The following ELAVL2 variants were observed in gnomAD, a reference collection of about 807,000 sequenced individuals.
The protein encoded by ELAVL2 is ELAV-like protein 2.
A neutral mutation model predicts 34.6 loss-of-function variants in ELAVL2; 4 were observed. The ratio of observed to expected loss-of-function variants is 0.12; its 90% CI spans 0.06 to 0.26. The LOEUF is 0.26. Ranked by LOEUF, ELAVL2 falls within the 10% of genes least tolerant of loss-of-function variation. ELAVL2 has a pLI of 1.00. For synonymous variants in ELAVL2, 193 were observed against 154.8 expected (o/e 1.25, Z -1.83); for missense variants, 432 against 442.8 (o/e 0.98, Z 0.22).
chr9:23,779,103 G>A (rs1400277793), intron 1 of ELAVL2: 3 of 800,140 alleles, frequency 3.7e-6, no homozygotes, highest in East Asian at 1.3e-4. Flanking sequence ...CACTACACCA[G>A]AAGCCCTTGA....
At chr9:23,730,039 T>C (rs1346520318) in intron 3 of ELAVL2, among the ~76,000 whole-genome samples, 3 of 152,108 alleles carry the variant, frequency 2.0e-5, no homozygotes, top group Non-Finnish European at 4.4e-5. Context: ...TTGATAGAAG[T>C]TGTCTGGAAC....
At chr9:23,702,273 T>G (rs1587343334) in intron 4 of ELAVL2, among the ~76,000 whole-genome samples, 1 of 150,430 alleles carries the variant, frequency 6.6e-6, no homozygotes, top group South Asian at 2.1e-4. Flanking sequence ...AGAAAAGACG[T>G]AGATTTTAAA....
At chr9:23,728,474 G>A (rs970438918) in intron 3 of ELAVL2, among the ~76,000 whole-genome samples, 1 of 152,080 alleles carries the variant, frequency 6.6e-6, no homozygotes, top group African/African-American at 2.4e-5. Flanking sequence ...AATAGCACTG[G>A]CATCACTCCT....
rs976904362 is a variant in ELAVL2 at position 23,795,742 on chromosome 9, C to T, written c.-16+30064G>A. Among the ~76,000 whole-genome samples the T allele has an allele frequency of 2.6e-5, 4 of 152,094 alleles. No homozygotes were observed. In the South Asian group the frequency reaches 6.2e-4, roughly 24 times the overall value. On this transcript the variant is annotated intron_variant, in intron 1 of 6. Transcript: ENST00000397312. ...TCTCAAGATTCCACATATTTAAGAA[C>T]GAATATTCCTTTGTTCATCACAAAG...
At chr9:23,826,706 G>A (rs960682679), upstream of ELAVL2, among the ~76,000 whole-genome samples, 1 of 152,172 alleles carries the variant, frequency 6.6e-6, no homozygotes, top group African/African-American at 2.4e-5. Context: ...CATCACTGCT[G>A]CATCTGTGGC....
the ELAVL2 span, among the ~76,000 whole-genome samples, chr9:23,842,047 G>T: frequency 6.6e-6 from 1 of 152,128 alleles, no homozygotes; most frequent in African/African-American, 2.4e-5. Flanking sequence ...ACATGAAAAT[G>T]AAAATCTACA....
intron 3 of ELAVL2, among the ~76,000 whole-genome samples, chr9:23,728,800 A>G (rs2045867454): frequency 6.6e-6 from 1 of 152,136 alleles, no homozygotes. Flanking sequence ...GGGGTGCTAT[A>G]TACTTGTGGG....
intron 1 of ELAVL2, among the ~76,000 whole-genome samples, chr9:23,807,040 G>A (rs1381668751): frequency 1.3e-5 from 2 of 152,090 alleles, no homozygotes; most frequent in Non-Finnish European, 2.9e-5. Flanking sequence ...ACAAAAAAAT[G>A]CTATATCCAT....
chr9:23,773,608 G>C (rs2057694480), intron 1 of ELAVL2, among the ~76,000 whole-genome samples: 1 of 151,946 alleles, frequency 6.6e-6, no homozygotes, highest in Non-Finnish European at 1.5e-5. Flanking sequence ...CCCAAGTGTT[G>C]ATGAGAAACA....
intron 1 of ELAVL2, among the ~76,000 whole-genome samples, chr9:23,767,574 A>C (rs1366386841): frequency 3.3e-5 from 5 of 152,308 alleles, no homozygotes; most frequent in Non-Finnish European, 5.9e-5. Flanking sequence ...TGAGGTCAGA[A>C]GTTCAAGACC....
chr9:23,701,389 G>T lies in ELAVL2; in HGVS notation c.703C>A (p.Gln235Lys). Residue 235 changes from glutamine (Q) to lysine (K), a missense_variant, in exon 5 of 7, where the codon CAG becomes AAG. Physicochemically the swap from Gln to Lys is moderately conservative, Grantham distance 53. This residue lies in a region of ELAVL2 where 295 missense variants were observed against 306.1 expected (regional missense o/e 0.96). Transcript: ENST00000397312. Reference protein sequence around the residue: ...RYPGPLAQQAQRFRLDNLLNM... With the variant: ...RYPGPLAQQAKRFRLDNLLNM... ...CCAAACCAGACTTACCTAAAACGCT[G>T]TGCCTGCTGAGCTAGCGGTCCTGGA... 1 of 1,614,044 alleles carries T rather than the reference G, an allele frequency of 6.2e-7. No individual in the cohort carries two copies. The highest frequency in any genetic ancestry group is 8.5e-7 in the Non-Finnish European group (1 of 1,179,930).
Position 23,791,717 on chromosome 9 carries a change from G to A in ELAVL2, c.-15-29468C>T, listed in dbSNP as rs535648399. Among the ~76,000 whole-genome samples, 7 of 152,258 alleles carry A rather than the reference G, an allele frequency of 4.6e-5. No individual in the cohort carries two copies. In the South Asian group the frequency reaches 1.5e-3, roughly 32 times the overall value. ...ATACCCAGAGTAAAAGCTAAGTGAG[G>A]ACACAGTGAGAAGGTGGCCTTCTGC... is the stretch of plus-strand genomic sequence containing the variant. On this transcript the variant is annotated intron_variant, in intron 1 of 6. Coordinates refer to ENST00000397312, the MANE Select transcript of ELAVL2 (RefSeq NM_004432.5).
chr9:23,764,645 A>C (rs951594329), intron 1 of ELAVL2, among the ~76,000 whole-genome samples: 3 of 152,154 alleles, frequency 2.0e-5, no homozygotes, highest in Non-Finnish European at 4.4e-5. Flanking sequence ...ATAACTTCAA[A>C]ATTTAGTAAC....
chr9:23,755,182 A>G (rs1340998213), intron 2 of ELAVL2, among the ~76,000 whole-genome samples: 1 of 152,144 alleles, frequency 6.6e-6, no homozygotes, highest in Admixed American at 6.6e-5. Context: ...TTCTCCAATT[A>G]ATTTCCAAGT....
intron 1 of ELAVL2, among the ~76,000 whole-genome samples, chr9:23,799,139 G>A (rs1019497424): frequency 1.3e-5 from 2 of 152,074 alleles, no homozygotes; most frequent in Non-Finnish European, 2.9e-5. Context: ...AAAATCTAAT[G>A]CAATCTCACA....
At chr9:23,805,590 A>C (rs2062107388) in intron 1 of ELAVL2, among the ~76,000 whole-genome samples, 1 of 152,226 alleles carries the variant, frequency 6.6e-6, no homozygotes. Context: ...GTACCCATGC[A>C]CGAGCATGAG....
chr9:23,779,303 C>T, intron 1 of ELAVL2: 2 of 985,372 alleles, frequency 2.0e-6, no homozygotes, highest in Non-Finnish European at 2.4e-6. Flanking sequence ...TTCACACTGG[C>T]AAAGTGGGCA....
intron 3 of ELAVL2, among the ~76,000 whole-genome samples, chr9:23,722,116 A>T (rs79271583): frequency 0.046 from 6,954 of 152,322 alleles, 241 homozygotes; most frequent in Middle Eastern, 0.15. Flanking sequence ...GTGAGAACAC[A>T]CACTAAAAGT....
In ELAVL2 at chr9:23,812,228, C is replaced by A. The variant is rs1053998158; in HGVS notation, c.-16+13578G>T. 3.3e-5 allele frequency among the ~76,000 whole-genome samples: 5 copies of A among 152,118 alleles called. No individual in the cohort carries two copies. The South Asian group carries it at 1.0e-3, about 32-fold the overall frequency. ...GTCTCAACGTTCTCAGTATCCAGCACTCAGTAATTTGTGATGAAACAATAA... is the reference window on the plus strand; with the variant it reads ...GTCTCAACGTTCTCAGTATCCAGCAATCAGTAATTTGTGATGAAACAATAA... On this transcript the variant is annotated intron_variant, in intron 1 of 6. Transcript: ENST00000397312.
Sources: gnomAD v4.1 joint callset for allele counts (sites outside exome capture counted in the v4.1 genomes callset) on GRCh38, gnomAD v4.1.1 for gene constraint, gnomAD v4.1.1 regional missense constraint, MANE v1.5 for transcripts, NCBI Gene and HGNC (gene_info 2026-07-23, HGNC 2026-07-21) for gene names.